Variants in ASIC2 observed in about 807,000 individuals in gnomAD.
ASIC2 encodes acid sensing ion channel subunit 2, also known as acid-sensing ion channel 2.
Under a neutral mutation model 57.3 loss-of-function variants are expected in ASIC2, and 25 were observed. That is an observed-to-expected ratio of 0.44 (90% CI 0.32 to 0.61). The LOEUF (loss-of-function observed/expected upper bound fraction) is 0.61, where lower values mean the gene tolerates loss of function less well. Ranked by LOEUF, ASIC2 falls within the 20% of genes least tolerant of loss-of-function variation. ASIC2 has a pLI of 0.06. For synonymous variants in ASIC2, 319 were observed against 307.5 expected (o/e 1.04, Z -0.39); for missense variants, 641 against 738.1 (o/e 0.87, Z 1.52).
At chr17:33,185,329 G>T (rs1906147729) in intron 1 of ASIC2, among the ~76,000 whole-genome samples, 1 of 152,134 alleles carries the variant, frequency 6.6e-6, no homozygotes. Flanking sequence ...AGCCTCTTGG[G>T]TGACTATTTT....
intron 1 of ASIC2, among the ~76,000 whole-genome samples, chr17:33,522,843 C>T (rs1043377630): frequency 1.3e-5 from 2 of 152,160 alleles, no homozygotes; most frequent in African/African-American, 2.4e-5. Context: ...CGTGTGGCAT[C>T]GCAATATCCC....
chr17:34,092,448 C>G (rs1412992631), intron 1 of ASIC2, among the ~76,000 whole-genome samples: 1 of 152,160 alleles, frequency 6.6e-6, no homozygotes, highest in East Asian at 1.9e-4. Context: ...CCACCCTTGT[C>G]CCTCATGTCC....
chr17:33,651,855 A>C (rs189388821), intron 1 of ASIC2, among the ~76,000 whole-genome samples: 14 of 152,334 alleles, frequency 9.2e-5, no homozygotes, highest in Admixed American at 2.0e-4. Context: ...GATGTGACAA[A>C]AGAGAGTGAG....
intron 1 of ASIC2, among the ~76,000 whole-genome samples, chr17:33,158,823 G>A (rs1905083839): frequency 6.6e-6 from 1 of 152,230 alleles, no homozygotes; most frequent in Admixed American, 6.5e-5. Flanking sequence ...GGACAGGCAT[G>A]CGTTAGCATT....
At chr17:33,349,483 A>AG (rs1194250357) in intron 1 of ASIC2, among the ~76,000 whole-genome samples, 1 of 152,114 alleles carries the variant, frequency 6.6e-6, no homozygotes, top group Non-Finnish European at 1.5e-5. Context: ...ACAGTTCTCC[A>AG]GGCATGTGGG....
chr17:33,684,344 A>G lies in ASIC2; in HGVS notation c.555+471634T>C, dbSNP rs1339571771. Among the ~76,000 whole-genome samples the G allele has an allele frequency of 2.0e-5, 3 of 152,054 alleles. No homozygotes were observed. In the East Asian group the frequency reaches 5.8e-4, roughly 29 times the overall value. ...GGGTGGGGAGGGGGGTGCTCTTCAG[A>G]GTGGCTCATTTTAGAGCTGACTACC... On this transcript the variant is annotated intron_variant, in intron 1 of 9. Coordinates refer to the ASIC2 transcript ENST00000359872.
intron 1 of ASIC2, among the ~76,000 whole-genome samples, chr17:33,699,364 C>G (rs1028608256): frequency 1.3e-5 from 2 of 152,172 alleles, no homozygotes; most frequent in African/African-American, 4.8e-5. Context: ...CCTCATGTCT[C>G]CTTCCCCACT....
chr17:33,806,676 T>A (rs1233039608), intron 1 of ASIC2, among the ~76,000 whole-genome samples: 1 of 152,220 alleles, frequency 6.6e-6, no homozygotes, highest in Non-Finnish European at 1.5e-5. Flanking sequence ...AGAGCACTTT[T>A]GCACTGAAGG....
At chr17:33,227,406 T>C (rs907117855) in intron 1 of ASIC2, among the ~76,000 whole-genome samples, 9 of 152,136 alleles carry the variant, frequency 5.9e-5, no homozygotes, top group African/African-American at 2.2e-4. Flanking sequence ...TCTTTTGTGC[T>C]CTCCCCTTCA....
chr17:33,985,360 G>A (rs965743994), intron 1 of ASIC2, among the ~76,000 whole-genome samples: 9 of 152,110 alleles, frequency 5.9e-5, no homozygotes, highest in South Asian at 2.1e-4. Context: ...GCAGTACCTC[G>A]TAACTTTAGC....
At chr17:33,990,310 G>A (rs182017744) in intron 1 of ASIC2, among the ~76,000 whole-genome samples, 68 of 152,218 alleles carry the variant, frequency 4.5e-4, no homozygotes, top group African/African-American at 1.6e-3. Flanking sequence ...TAAAGATTGA[G>A]GCATAGAAAA....
intron 1 of ASIC2, among the ~76,000 whole-genome samples, chr17:33,132,893 A>C (rs1470556409): frequency 3.3e-5 from 5 of 152,222 alleles, no homozygotes; most frequent in African/African-American, 1.2e-4. Context: ...GGAACTAGAA[A>C]TCATGAGCTG....
intron 1 of ASIC2, among the ~76,000 whole-genome samples, chr17:33,476,184 G>C (rs1273374177): frequency 2.0e-5 from 3 of 152,072 alleles, no homozygotes. Context: ...AGGACCTATG[G>C]TATATCATGC....
At chr17:33,290,271 C>T (rs1453312059) in intron 1 of ASIC2, among the ~76,000 whole-genome samples, 3 of 152,192 alleles carry the variant, frequency 2.0e-5, no homozygotes, top group Admixed American at 6.5e-5. Context: ...CATCTCTTTA[C>T]CATCCCAAAA....
chr17:33,067,415 A>ATTTG (rs1251723094), intron 3 of ASIC2, among the ~76,000 whole-genome samples: 1 of 152,152 alleles, frequency 6.6e-6, no homozygotes, highest in East Asian at 1.9e-4. Flanking sequence ...AAAGTGTTGG[A>ATTTG]TTTGTATATG....
At chr17:34,065,726 G>C (rs973682035) in intron 1 of ASIC2, among the ~76,000 whole-genome samples, 1 of 152,118 alleles carries the variant, frequency 6.6e-6, no homozygotes, top group African/African-American at 2.4e-5. Flanking sequence ...GAGGAAGAGG[G>C]ACGTAGATGA....
At chr17:33,864,917 T>C (rs1230500255) in intron 1 of ASIC2, among the ~76,000 whole-genome samples, 1 of 151,960 alleles carries the variant, frequency 6.6e-6, no homozygotes, top group Non-Finnish European at 1.5e-5. Flanking sequence ...GCAAATGCAC[T>C]CCTAGTAAAG....
chr17:33,328,593 A>G (rs1031679427), intron 1 of ASIC2, among the ~76,000 whole-genome samples: 1 of 152,172 alleles, frequency 6.6e-6, no homozygotes, highest in South Asian at 2.1e-4. Context: ...TTCAGGGGGT[A>G]CATGCGATAC....
chr17:34,033,560 A>G (rs1447052789), intron 1 of ASIC2, among the ~76,000 whole-genome samples: 1 of 152,218 alleles, frequency 6.6e-6, no homozygotes, highest in Non-Finnish European at 1.5e-5. Context: ...CCTTCAAAAA[A>G]TTAATGAATC....
Sources: gnomAD v4.1 joint callset for allele counts (sites outside exome capture counted in the v4.1 genomes callset) on GRCh38, gnomAD v4.1.1 for gene constraint, MANE v1.5 for transcripts, NCBI Gene and HGNC (gene_info 2026-07-23, HGNC 2026-07-21) for gene names.